Variants in ZEB1 observed in about 807,000 individuals in gnomAD.
ZEB1 encodes zinc finger E-box binding homeobox 1.
A neutral mutation model predicts 84.9 loss-of-function variants in ZEB1; 21 were observed. That is an observed-to-expected ratio of 0.25 (90% CI 0.18 to 0.36). The LOEUF is 0.36. Ranked by LOEUF, ZEB1 falls within the 10% of genes least tolerant of loss-of-function variation. ZEB1 has a pLI of 1.00. For missense variants in ZEB1, 1,104 were observed against 1,330.2 expected (o/e 0.83, Z 2.65); for synonymous variants, 420 against 471.1 (o/e 0.89, Z 1.41).
intron 1 of ZEB1, among the ~76,000 whole-genome samples, chr10:31,443,018 A>T (rs563585444): frequency 6.6e-6 from 1 of 152,350 alleles, no homozygotes; most frequent in South Asian, 2.1e-4. Flanking sequence ...AGTTTAATCA[A>T]GGTAAGAGAT....
intron 1 of ZEB1, among the ~76,000 whole-genome samples, chr10:31,386,319 G>A (rs1328954027): frequency 6.6e-6 from 1 of 151,412 alleles, no homozygotes; most frequent in Non-Finnish European, 1.5e-5. Flanking sequence ...TTAGGATATG[G>A]CATCTTAAAA....
chr10:31,320,359 C>A (rs2033594609), intron 1 of ZEB1: 1 of 152,190 alleles, frequency 6.6e-6, no homozygotes. Flanking sequence ...CGGGATGGGC[C>A]GGTGTGCGTG....
Position 31,319,294 on chromosome 10 carries a change from TGAGTGGCGGAGGG to T in ZEB1, c.58+5_58+17del, listed in dbSNP as rs750261501. The stretch of plus-strand genomic sequence containing the variant: ...AGGCGAACCCGCGGCGCAATAACGG[TGAGTGGCGGAGGG>T]GACCGGGGAGCGGCGGAGTCAGGGG... On this transcript the variant is annotated splice_donor_5th_base_variant and intron_variant, in intron 1 of 8. Coordinates refer to ENST00000424869, the MANE Select transcript of ZEB1 (RefSeq NM_001174096.2). 1 of 1,589,440 alleles carries T rather than the reference TGAGTGGCGGAGGG, an allele frequency of 6.3e-7. No individual in the cohort carries two copies. Among genetic ancestry groups the T allele is most frequent in the South Asian group, 1.1e-5 (1 of 88,526 alleles).
At chr10:31,326,916 C>A (rs1336591755) in intron 1 of ZEB1, among the ~76,000 whole-genome samples, 1 of 151,940 alleles carries the variant, frequency 6.6e-6, no homozygotes, top group Non-Finnish European at 1.5e-5. Flanking sequence ...GTCACTATTC[C>A]CAATTTCAGC....
chr10:31,389,201 C>T (rs1299684252), intron 1 of ZEB1, among the ~76,000 whole-genome samples: 2 of 151,784 alleles, frequency 1.3e-5, no homozygotes, highest in African/African-American at 4.8e-5. Context: ...ATAACTTATC[C>T]ATCTCAATTC....
intron 8 of ZEB1, among the ~76,000 whole-genome samples, chr10:31,524,707 T>C (rs1180112487): frequency 1.3e-5 from 2 of 152,212 alleles, no homozygotes; most frequent in African/African-American, 2.4e-5. Context: ...GCTTATGCTA[T>C]ATTAATAAAA....
chr10:31,522,186 A>G (rs1435943642), intron 7 of ZEB1, among the ~76,000 whole-genome samples: 1 of 152,234 alleles, frequency 6.6e-6, no homozygotes, highest in East Asian at 1.9e-4. Flanking sequence ...TTTAAGTCCC[A>G]GCTAAAAACC....
intron 1 of ZEB1, among the ~76,000 whole-genome samples, chr10:31,443,478 C>T (rs548172356): frequency 8.6e-5 from 13 of 150,332 alleles, no homozygotes; most frequent in South Asian, 2.1e-4. Context: ...TAGTTACATA[C>T]GTATACATGT....
At chr10:31,410,392 C>A (rs574722259) in intron 1 of ZEB1, among the ~76,000 whole-genome samples, 2 of 152,072 alleles carry the variant, frequency 1.3e-5, no homozygotes, top group African/African-American at 4.8e-5. Context: ...GATACACTGC[C>A]GGATTCAGTT....
chr10:31,319,156 G>A, upstream of ZEB1: 12 of 951,114 alleles, frequency 1.3e-5, no homozygotes, highest in Middle Eastern at 6.9e-4. Context: ...GGGGGGAGGG[G>A]TGGAGGCGGA....
chr10:31,382,021 A>AAAAAAAC (rs1564658976), intron 1 of ZEB1, among the ~76,000 whole-genome samples: 2 of 149,852 alleles, frequency 1.3e-5, no homozygotes, highest in African/African-American at 5.0e-5. Context: ...AAAAAAAAAA[A>AAAAAAAC]AAAAAAAAAA....
intron 5 of ZEB1, 150 bp downstream of exon 5, chr10:31,511,025 T>C: frequency 1.3e-6 from 1 of 797,054 alleles, no homozygotes; most frequent in South Asian, 1.6e-5. Context: ...AATGATTATT[T>C]ATTTGAGTTA....
chr10:31,332,449 A>C (rs1020936096), intron 1 of ZEB1, among the ~76,000 whole-genome samples: 25 of 152,176 alleles, frequency 1.6e-4, no homozygotes, highest in Non-Finnish European at 2.6e-4. Flanking sequence ...ATTCACTATT[A>C]CTAGTTAATT....
intron 1 of ZEB1, among the ~76,000 whole-genome samples, chr10:31,418,863 A>G (rs919015628): frequency 1.3e-5 from 2 of 152,118 alleles, no homozygotes; most frequent in Non-Finnish European, 2.9e-5. Flanking sequence ...TGCCAATATG[A>G]TGCTCAAAGG....
chr10:31,461,306 A>G lies in ZEB1; in HGVS notation c.259+69A>G. 4.1e-6 allele frequency: 6 copies of G among 1,456,212 alleles called. No individual in the cohort carries two copies. In the South Asian group the frequency reaches 5.0e-5, roughly 12 times the overall value. The allele number at this position is 1,456,212 out of a possible 1,614,324, so 90.2% of individuals were successfully genotyped here. A position where few individuals can be genotyped will look rare whatever the true frequency, so the allele number is the denominator to read the frequency against. The stretch of plus-strand genomic sequence containing the variant: ...TTTTTTAAAATATATATTAACTGAA[A>G]AGATAAATTGGATGAAAAGTTTGAA... On this transcript the variant is annotated intron_variant, in intron 2 of 8. Coordinates refer to ENST00000424869, the MANE Select transcript of ZEB1 (RefSeq NM_001174096.2).
chr10:31,494,226 G>A (rs1206454978), intron 2 of ZEB1, among the ~76,000 whole-genome samples: 4 of 152,008 alleles, frequency 2.6e-5, no homozygotes, highest in Admixed American at 6.6e-5. Context: ...GCAAACACTA[G>A]TGTTTATCCT....
rs537931887 is a variant in ZEB1 at position 31,349,434 on chromosome 10, A to G, written c.58+30142A>G. Among the ~76,000 whole-genome samples, 26 of 152,302 alleles carry G rather than the reference A, an allele frequency of 1.7e-4. No individual in the cohort carries two copies. The East Asian group carries it at 4.2e-3, about 25-fold the overall frequency. Reference sequence around the variant, plus strand: ...TGATTTCATTTCTTTTGTATTTATAACTATTGGTGAGACTGGTGGATCATA... The same window carrying G: ...TGATTTCATTTCTTTTGTATTTATAGCTATTGGTGAGACTGGTGGATCATA... On this transcript the variant is annotated intron_variant, in intron 1 of 8. Transcript: ENST00000424869.
intron 8 of ZEB1, among the ~76,000 whole-genome samples, chr10:31,525,229 T>C (rs1451306808): frequency 6.6e-6 from 1 of 152,202 alleles, no homozygotes; most frequent in African/African-American, 2.4e-5. Flanking sequence ...GAGAAGCTAC[T>C]ACAGAGACCA....
intron 1 of ZEB1, among the ~76,000 whole-genome samples, chr10:31,369,591 T>C: frequency 6.6e-6 from 1 of 152,226 alleles, no homozygotes; most frequent in East Asian, 1.9e-4. Flanking sequence ...CACATTTCCT[T>C]GATTCATCCA....
Sources: allele counts gnomAD v4.1 joint callset (sites outside exome capture counted in the v4.1 genomes callset), GRCh38; gene constraint gnomAD v4.1.1; transcripts MANE v1.5; gene names NCBI Gene and HGNC (gene_info 2026-07-23, HGNC 2026-07-21).